PDS5A: variants seen among roughly 807,000 people sequenced by gnomAD.
PDS5A encodes sister chromatid cohesion protein PDS5 homolog A.
In PDS5A, 42 loss-of-function variants were observed where a neutral mutation model predicts 167.1. That is an observed-to-expected ratio of 0.25 (90% CI 0.20 to 0.33). The LOEUF (loss-of-function observed/expected upper bound fraction) is 0.33. Ranked by LOEUF, PDS5A falls within the 10% of genes least tolerant of loss-of-function variation. The probability of loss-of-function intolerance (pLI) is 1.00; values close to 1 mark genes in which losing one functional copy is unlikely to be tolerated. For missense variants in PDS5A, 1,033 were observed against 1,605.9 expected, an observed-to-expected ratio of 0.64 and a Z score of 6.10; for synonymous variants, 553 against 554.6, an observed-to-expected ratio of 1.00 and a Z score of 0.04.
chr4:39,931,837 T>C (rs960510416), intron 2 of PDS5A, among the ~76,000 whole-genome samples: 30 of 151,972 alleles, frequency 2.0e-4, no homozygotes, highest in African/African-American at 7.0e-4. Flanking sequence ...TGCCTTCTCA[T>C]ATGTATACCT....
intron 17 of PDS5A, among the ~76,000 whole-genome samples, chr4:39,882,480 T>C (rs1405802062): frequency 6.6e-6 from 1 of 152,244 alleles, no homozygotes; most frequent in East Asian, 1.9e-4. Flanking sequence ...TAATTCCAAA[T>C]TGAGCTTTTT....
chr4:39,921,805 T>C (rs1725003965), intron 6 of PDS5A, among the ~76,000 whole-genome samples: 1 of 152,172 alleles, frequency 6.6e-6, no homozygotes, highest in South Asian at 2.1e-4. Context: ...ATATACTGTC[T>C]TAATCTGCCA....
chr4:39,944,989 A>G (rs931723112), intron 2 of PDS5A, among the ~76,000 whole-genome samples: 3 of 152,166 alleles, frequency 2.0e-5, no homozygotes, highest in African/African-American at 7.2e-5. Context: ...CACTTGCAAT[A>G]GTACTAATAG....
rs578113175 is a variant in PDS5A at position 39,930,269 on chromosome 4, T to G, written c.139-2105A>C. On this transcript the variant is annotated intron_variant, in intron 2 of 32. Transcript: ENST00000303538. The stretch of plus-strand genomic sequence containing the variant: ...AAAGTTTTTTTGTTTTTTGTTTTTT[T>G]TTTTTAAGAGACAGGGTTTTGCCAT... Among the ~76,000 whole-genome samples, 119 of 144,526 alleles carry G rather than the reference T, an allele frequency of 8.2e-4. 1 individual carries two copies. Among genetic ancestry groups the G allele is most frequent in the South Asian group, 5.0e-3 (22 of 4,436 alleles). 94.8% of individuals were successfully genotyped at this position (144,526 alleles called of 152,430 possible). A position where few individuals can be genotyped will look rare whatever the true frequency, so the allele number is the denominator to read the frequency against.
chr4:39,876,935 T>C, intron 19 of PDS5A, 58 bp downstream of exon 19: 19 of 1,274,474 alleles, frequency 1.5e-5, no homozygotes, highest in Non-Finnish European at 1.9e-5. Context: ...AACAATGATT[T>C]TATGGTTCCC....
At chr4:39,871,382 T>C (rs947654657) in intron 21 of PDS5A, among the ~76,000 whole-genome samples, 2 of 152,124 alleles carry the variant, frequency 1.3e-5, no homozygotes, top group African/African-American at 4.8e-5. Flanking sequence ...GAAAACCACA[T>C]CTATCGAAAG....
At chr4:39,833,551 C>A (rs1716120997) in intron 32 of PDS5A, among the ~76,000 whole-genome samples, 1 of 152,138 alleles carries the variant, frequency 6.6e-6, no homozygotes, top group African/African-American at 2.4e-5. Context: ...AGACACCTGG[C>A]TAATTTTTCT....
intron 8 of PDS5A, among the ~76,000 whole-genome samples, chr4:39,916,264 T>C (rs1304650014): frequency 3.3e-5 from 5 of 151,926 alleles, no homozygotes. Context: ...AAGGCAGTAT[T>C]AAACTTTTAC....
rs187463902 is a variant in PDS5A, at chr4:39,910,257, C to T, written c.1074G>A (p.Ala358=). The change falls in exon 10 of 33, where the codon GCG becomes GCA. Residue 358 remains alanine, a synonymous_variant. Coordinates refer to ENST00000303538, the MANE Select transcript of PDS5A (RefSeq NM_001100399.2). ...SHCLMNHPDL[A]KDLTEYLKVR... is the part of the protein sequence containing the mutation. ...CAGCTAGCTTACCTGTGAGATCCTT[C>T]GCTAAATCTGGGTGATTCATTAAAC... 670 of 1,564,348 alleles carry T rather than the reference C, an allele frequency of 4.3e-4. 16 individuals are homozygous for T. The African/African-American group carries it at 5.3e-3, about 12-fold the overall frequency.
chr4:39,849,465 G>T, intron 27 of PDS5A, 55 bp downstream of exon 27: 4 of 1,097,230 alleles, frequency 3.6e-6, no homozygotes, highest in Non-Finnish European at 5.2e-6. Flanking sequence ...AACCAAGTGG[G>T]ACAATATATT....
intron 2 of PDS5A, among the ~76,000 whole-genome samples, chr4:39,963,126 C>A (rs1729651340): frequency 6.6e-6 from 1 of 151,962 alleles, no homozygotes; most frequent in South Asian, 2.1e-4. Flanking sequence ...CAAAACCAGC[C>A]TGGACCAACA....
At chr4:39,958,523 AG>A (rs1729178257) in intron 2 of PDS5A, among the ~76,000 whole-genome samples, 1 of 151,110 alleles carries the variant, frequency 6.6e-6, no homozygotes, top group Non-Finnish European at 1.5e-5. Flanking sequence ...AAAAAAAAAA[AG>A]GTACGGGTAG....
intron 32 of PDS5A, among the ~76,000 whole-genome samples, chr4:39,830,748 G>A (rs1715785326): frequency 1.3e-5 from 2 of 152,086 alleles, no homozygotes; most frequent in East Asian, 1.9e-4. Flanking sequence ...TTTCACCCCA[G>A]TCTTGTTCTT....
At chr4:39,889,163 T>C (rs1721756759) in intron 17 of PDS5A, among the ~76,000 whole-genome samples, 1 of 152,202 alleles carries the variant, frequency 6.6e-6, no homozygotes, top group Non-Finnish European at 1.5e-5. Flanking sequence ...TAATCCAATA[T>C]GACTATTGTT....
At chr4:39,921,837 A>G (rs1009910227) in intron 6 of PDS5A, among the ~76,000 whole-genome samples, 3 of 152,232 alleles carry the variant, frequency 2.0e-5, no homozygotes, top group East Asian at 1.9e-4. Flanking sequence ...CCTTTGCCAT[A>G]GTCTCAGAAT....
rs1715187755 is a variant in PDS5A at position 39,825,275 on chromosome 4, C to G, written c.*210G>C. Reference sequence around the variant, plus strand: ...GGGAGAACAGAGTTGCTTTTAGCCTCTCTCTCAAGAGTTTCTGCTGTACAT... The same window carrying G: ...GGGAGAACAGAGTTGCTTTTAGCCTGTCTCTCAAGAGTTTCTGCTGTACAT... On this transcript the variant is annotated 3_prime_UTR_variant, in exon 33 of 33. Transcript: ENST00000303538. 1 of 427,252 alleles carries G rather than the reference C, an allele frequency of 2.3e-6. No individual in the cohort carries two copies. Among genetic ancestry groups the G allele is most frequent in the Non-Finnish European group, 4.2e-6 (1 of 240,250 alleles). 26.5% of individuals were successfully genotyped at this position (427,252 alleles called of 1,614,324 possible). A position where few individuals can be genotyped will look rare whatever the true frequency, so the allele number is the denominator to read the frequency against.
intron 2 of PDS5A, among the ~76,000 whole-genome samples, chr4:39,929,281 ACTGTTAAG>A (rs1725743528): frequency 6.6e-6 from 1 of 151,876 alleles, no homozygotes; most frequent in African/African-American, 2.4e-5. Flanking sequence ...AGGCAGGTCC[ACTGTTAAG>A]CTGGTGGGCA....
intron 30 of PDS5A, among the ~76,000 whole-genome samples, chr4:39,843,459 C>A (rs1311316750): frequency 6.6e-6 from 1 of 152,074 alleles, no homozygotes; most frequent in African/African-American, 2.4e-5. Context: ...TTGGGCCAGG[C>A]GTGATGGTTC....
chr4:39,969,224 G>A (rs1449985385), intron 2 of PDS5A, among the ~76,000 whole-genome samples: 1 of 152,162 alleles, frequency 6.6e-6, no homozygotes, highest in South Asian at 2.1e-4. Flanking sequence ...TTCAGCTTTA[G>A]GTGACTAGCG....
Sources: allele counts gnomAD v4.1 joint callset (sites outside exome capture counted in the v4.1 genomes callset), GRCh38; gene constraint gnomAD v4.1.1; transcripts MANE v1.5; gene names NCBI Gene and HGNC (gene_info 2026-07-23, HGNC 2026-07-21).